Variants in CARHSP1 observed in about 807,000 individuals in gnomAD.
CARHSP1 encodes the protein calcium-regulated heat-stable protein 1.
Under a neutral mutation model 12.5 loss-of-function variants are expected in CARHSP1, and 14 were observed. The observed-to-expected ratio is 1.12, with a 90% CI of 0.74 to 1.75. CARHSP1 has a LOEUF of 1.75. Among genes scored for constraint, CARHSP1 ranks in the 40% most tolerant of loss-of-function variants. The probability of loss-of-function intolerance (pLI) is 0.00; values close to 1 mark genes in which losing one functional copy is unlikely to be tolerated. For missense variants in CARHSP1, 343 were observed against 201.6 expected, an observed-to-expected ratio of 1.70 and a Z score of -4.25; for synonymous variants, 161 against 82.0, an observed-to-expected ratio of 1.96 and a Z score of -5.20.
At chr16:8,865,113 A>G (rs963208294) in intron 1 of CARHSP1, among the ~76,000 whole-genome samples, 9 of 152,122 alleles carry the variant, frequency 5.9e-5, no homozygotes, top group Admixed American at 5.9e-4. Flanking sequence ...GACTCCATTC[A>G]TTTTTGTTTT....
At chr16:8,864,258 G>A (rs765107674) in intron 1 of CARHSP1, among the ~76,000 whole-genome samples, 9 of 152,266 alleles carry the variant, frequency 5.9e-5, no homozygotes, top group South Asian at 2.1e-4. Flanking sequence ...GTATGCATGC[G>A]TGAACTTGTT....
intron 1 of CARHSP1, chr16:8,860,536 G>C (rs1398116300): frequency 2.0e-6 from 2 of 985,356 alleles, no homozygotes; most frequent in Non-Finnish European, 1.2e-6. Flanking sequence ...GAGGCCCTTG[G>C]GTAAGTCCTT....
intron 1 of CARHSP1, among the ~76,000 whole-genome samples, chr16:8,863,717 G>A (rs1462242121): frequency 6.6e-6 from 1 of 152,138 alleles, no homozygotes; most frequent in Non-Finnish European, 1.5e-5. Context: ...GGAGTGAATG[G>A]CCTCAGTGCG....
chr16:8,861,062 A>G (rs1265535066), intron 1 of CARHSP1, among the ~76,000 whole-genome samples: 3 of 103,718 alleles, frequency 2.9e-5, no homozygotes, highest in Non-Finnish European at 4.4e-5. Flanking sequence ...AAAAAAATAA[A>G]TAACTTTTAT....
intron 1 of CARHSP1, among the ~76,000 whole-genome samples, chr16:8,862,017 T>TA (rs2061371414): frequency 8.2e-6 from 1 of 122,352 alleles, no homozygotes; most frequent in South Asian, 2.6e-4. Context: ...TTTTTTTTTT[T>TA]AATTTGAGAT....
At chr16:8,857,407 GA>G (rs2061169971) in intron 3 of CARHSP1, 1 of 134,880 alleles carries the variant, frequency 7.4e-6, no homozygotes, top group African/African-American at 2.8e-5. Flanking sequence ...CTTAGCCTCC[GA>G]AGTAGCTGGG....
intron 3 of CARHSP1, 79 bp from the exon 4 acceptor site, chr16:8,855,405 G>C: frequency 1.5e-6 from 2 of 1,297,532 alleles, no homozygotes; most frequent in East Asian, 2.7e-5. Flanking sequence ...CACCCTTCTG[G>C]TCACACAGCC....
At chr16:8,863,526 C>T (rs72768254) in intron 1 of CARHSP1, among the ~76,000 whole-genome samples, 30 of 152,330 alleles carry the variant, frequency 2.0e-4, no homozygotes, top group Non-Finnish European at 4.1e-4. Context: ...CATTCCTGCT[C>T]ACCTGATAGT....
intron 1 of CARHSP1, among the ~76,000 whole-genome samples, chr16:8,861,998 T>A (rs1468537051): frequency 2.1e-5 from 2 of 93,288 alleles, no homozygotes; most frequent in Admixed American, 2.7e-4. Flanking sequence ...ACTTTTTTTT[T>A]TTTTTTTTTT....
In CARHSP1 at chr16:8,853,985, C is replaced by A. The variant is rs2061017995; in HGVS notation, c.*1179G>T. 6.6e-6 allele frequency: 1 copy of A among 152,158 alleles called. No individual in the cohort carries two copies. The highest frequency in any genetic ancestry group is 2.4e-5 in the African/African-American group (1 of 41,414). The allele number at this position is 152,158 out of a possible 1,614,324, so 9.4% of individuals were successfully genotyped here. A position where few individuals can be genotyped will look rare whatever the true frequency, so the allele number is the denominator to read the frequency against. On this transcript the variant is annotated 3_prime_UTR_variant, in exon 4 of 4. Coordinates refer to ENST00000311052, the MANE Select transcript of CARHSP1 (RefSeq NM_014316.4). ...CCTGTAATCCCAGCTACTCAGGAGA[C>A]TGAGGCGGAATTGCCAGAACCCTGG...
In CARHSP1 at chr16:8,858,337, G is replaced by C. The variant is rs774866639; in HGVS notation, c.281+13C>G. On this transcript the variant is annotated intron_variant, in intron 3 of 3. Coordinates refer to ENST00000311052, the MANE Select transcript of CARHSP1 (RefSeq NM_014316.4). The stretch of plus-strand genomic sequence containing the variant: ...CACCCCAGCCAGGCCACCCAGACCT[G>C]CCGCTGACTCACTCAGAGATGTGCA... 6.2e-7 allele frequency: 1 copy of C among 1,612,410 alleles called. No individual in the cohort carries two copies. The highest frequency in any genetic ancestry group is 2.2e-5 in the East Asian group (1 of 44,882).
chr16:8,860,338 C>T, intron 1 of CARHSP1: 1 of 985,386 alleles, frequency 1.0e-6, no homozygotes, highest in East Asian at 1.1e-4. Flanking sequence ...CCTTCTGTGA[C>T]CCCTAGTATG....
intron 1 of CARHSP1, chr16:8,868,429 G>C (rs1453951023): frequency 2.6e-5 from 4 of 151,670 alleles, no homozygotes; most frequent in Non-Finnish European, 5.9e-5. Flanking sequence ...GCAAACACCC[G>C]GGCCCAGCGC....
rs1280966338 is a variant in CARHSP1, at chr16:8,853,383, G to A, written c.*1781C>T. 1 of 151,460 alleles carries A rather than the reference G, an allele frequency of 6.6e-6. No individual in the cohort carries two copies. The highest frequency in any genetic ancestry group is 2.0e-4 in the East Asian group (1 of 5,126). 9.4% of individuals were successfully genotyped at this position (151,460 alleles called of 1,614,324 possible). ...CCAGCAGAAGGCAGAGGCGGGAGAG[G>A]AGGGTGAGGATGTACAAGGAGCATC... is the stretch of plus-strand genomic sequence containing the variant. On this transcript the variant is annotated 3_prime_UTR_variant, in exon 4 of 4. Transcript: ENST00000311052.
chr16:8,859,193 G>A lies in CARHSP1; in HGVS notation c.136C>T (p.Arg46Cys), dbSNP rs1299371655. 4.4e-6 allele frequency: 7 copies of A among 1,602,072 alleles called. No homozygotes were observed. Among genetic ancestry groups the A allele is most frequent in the Admixed American group, 3.4e-5 (2 of 58,874 alleles). The change falls in exon 2 of 4, where the codon CGC becomes TGC. Residue 46 changes from arginine to cysteine, a missense_variant. Transcript: ENST00000311052. ...CACGCCGAGAAGGTCCTCGTCCGGC[G>A]AGTGGGCAGTGGGCTTGGGACCACG... ...GNVVPSPLPTRRTRTFSATVR... is the reference protein window; with the variant it reads ...GNVVPSPLPTCRTRTFSATVR...
At chr16:8,857,263 G>GTTTTTTGTTTTTTTTTTTTTTT (rs1315960023) in intron 3 of CARHSP1, among the ~76,000 whole-genome samples, 18 of 57,038 alleles carry the variant, frequency 3.2e-4, no homozygotes, top group Non-Finnish European at 4.5e-4. Flanking sequence ...GGGCAGATCT[G>GTTTTTTGTTTTTTTTTTTTTTT]TTTTTTTTTT....
intron 3 of CARHSP1, chr16:8,858,146 C>T (rs2061209640): frequency 1.6e-6 from 1 of 619,940 alleles, no homozygotes; most frequent in Non-Finnish European, 2.8e-6. Flanking sequence ...TCACATCCCC[C>T]AACACAGCTC....
Position 8,858,584 on chromosome 16 carries a change from T to C in CARHSP1, c.159-112A>G, listed in dbSNP as rs932459006. 58 of 1,335,728 alleles carry C rather than the reference T, an allele frequency of 4.3e-5. 2 individuals are homozygous for C. In the South Asian group the frequency reaches 7.5e-4, roughly 17 times the overall value. 82.7% of individuals were successfully genotyped at this position (1,335,728 alleles called of 1,614,324 possible). ...CATCAAGCCCTGGCCAGGACCGCCA[T>C]GTACAGTCACACAGGCTGAGGACTG... On this transcript the variant is annotated intron_variant, in intron 2 of 3. Transcript: ENST00000311052.
rs1352180464 is a variant in CARHSP1, at chr16:8,854,971, G to A, written c.*193C>T. 2.1e-6 allele frequency: 1 copy of A among 480,396 alleles called. No individual in the cohort carries two copies. The highest frequency in any genetic ancestry group is 3.7e-6 in the Non-Finnish European group (1 of 270,308). 29.8% of individuals were successfully genotyped at this position (480,396 alleles called of 1,614,324 possible). ...GTGAGAGGTTGTTGCAATGGTCATAGGCTGTGCTGATGGCCGGGAACACCC... is the reference window on the plus strand; with the variant it reads ...GTGAGAGGTTGTTGCAATGGTCATAAGCTGTGCTGATGGCCGGGAACACCC... On this transcript the variant is annotated 3_prime_UTR_variant, in exon 4 of 4. Coordinates refer to ENST00000311052, the MANE Select transcript of CARHSP1 (RefSeq NM_014316.4).
Sources: allele counts gnomAD v4.1 joint callset (sites outside exome capture counted in the v4.1 genomes callset), GRCh38; gene constraint gnomAD v4.1.1; transcripts MANE v1.5; gene names NCBI Gene and HGNC (gene_info 2026-07-23, HGNC 2026-07-21).